The following MYH11 variants were observed in gnomAD, a reference collection of about 807,000 sequenced individuals.
MYH11 encodes myosin-11.
Under a neutral mutation model 246.6 loss-of-function variants are expected in MYH11, and 80 were observed. That is an observed-to-expected ratio of 0.32 (90% CI 0.27 to 0.39). The LOEUF (loss-of-function observed/expected upper bound fraction) is 0.39. Among genes scored for constraint, MYH11 ranks in the 10% least tolerant of loss-of-function variants. MYH11 has a pLI of 1.00. For synonymous variants in MYH11, 1,071 were observed against 1,015.5 expected (o/e 1.05, Z -1.04); for missense variants, 2,158 against 2,546.8 (o/e 0.85, Z 3.29).
chr16:15,850,025 C>T (rs1015441420), intron 1 of MYH11, among the ~76,000 whole-genome samples: 1 of 152,198 alleles, frequency 6.6e-6, no homozygotes, highest in Non-Finnish European at 1.5e-5. Context: ...GTTTTACCAT[C>T]AGTTTCATTT....
chr16:15,746,706 A>G (rs1224607888), intron 19 of MYH11, among the ~76,000 whole-genome samples: 1 of 151,728 alleles, frequency 6.6e-6, no homozygotes, highest in Non-Finnish European at 1.5e-5. Context: ...GGGACATCAC[A>G]CCCTCCAAAA....
At chr16:15,730,826 A>C (rs2040938778) in intron 27 of MYH11, among the ~76,000 whole-genome samples, 1 of 152,164 alleles carries the variant, frequency 6.6e-6, no homozygotes, top group South Asian at 2.1e-4. Flanking sequence ...CAAAGGAGAG[A>C]AGAGCACCCA....
intron 3 of MYH11, among the ~76,000 whole-genome samples, chr16:15,806,083 C>A (rs1441323099): frequency 6.8e-6 from 1 of 146,006 alleles, no homozygotes; most frequent in Non-Finnish European, 1.5e-5. Context: ...TCAAGACCAG[C>A]CTGGCCAATA....
intron 31 of MYH11, among the ~76,000 whole-genome samples, 156 bp downstream of exon 31, chr16:15,724,005 A>G (rs1484117516): frequency 6.6e-6 from 1 of 152,162 alleles, no homozygotes; most frequent in Non-Finnish European, 1.5e-5. Flanking sequence ...TTAATGCTCC[A>G]TGGTCGCCCA....
intron 3 of MYH11, among the ~76,000 whole-genome samples, chr16:15,817,465 C>A (rs983489728): frequency 3.3e-5 from 5 of 152,054 alleles, no homozygotes; most frequent in Admixed American, 3.3e-4. Flanking sequence ...GAGCTGAGAT[C>A]GTGCTGCTGC....
At chr16:15,769,089 G>A (rs2042043174) in intron 9 of MYH11, among the ~76,000 whole-genome samples, 1 of 152,220 alleles carries the variant, frequency 6.6e-6, no homozygotes, top group Non-Finnish European at 1.5e-5. Context: ...AAGATGGGTG[G>A]ATCATCTGAG....
intron 9 of MYH11, among the ~76,000 whole-genome samples, chr16:15,767,167 G>C (rs1021210855): frequency 1.3e-5 from 2 of 152,082 alleles, no homozygotes; most frequent in African/African-American, 4.8e-5. Context: ...GTGATGGATG[G>C]ATGGGTGATG....
intron 4 of MYH11, among the ~76,000 whole-genome samples, chr16:15,797,835 T>C (rs1273972162): frequency 1.3e-5 from 2 of 152,116 alleles, no homozygotes; most frequent in African/African-American, 4.8e-5. Context: ...CAAGTGTCCT[T>C]TCTGTAGTGT....
At chr16:15,720,357 A>T in intron 33 of MYH11, 45 bp from the exon 34 acceptor site, 1 of 1,591,688 alleles carries the variant, frequency 6.3e-7, no homozygotes, top group South Asian at 1.1e-5. Flanking sequence ...TGCCCCTGGG[A>T]GGTCCTTTGG....
intron 3 of MYH11, among the ~76,000 whole-genome samples, chr16:15,813,508 G>C (rs1462044339): frequency 1.3e-5 from 2 of 152,042 alleles, no homozygotes; most frequent in African/African-American, 4.8e-5. Flanking sequence ...AAGATTAACT[G>C]AGAATATTTC....
At chr16:15,759,799 T>C (rs955303480) in intron 11 of MYH11, 71 bp from the exon 12 acceptor site, 6 of 1,586,010 alleles carry the variant, frequency 3.8e-6, no homozygotes, top group Non-Finnish European at 5.2e-6. Flanking sequence ...AGGCTGGTGG[T>C]GAAGATTTTT....
chr16:15,805,190 T>C (rs2151330090), intron 3 of MYH11, among the ~76,000 whole-genome samples: 1 of 152,328 alleles, frequency 6.6e-6, no homozygotes, highest in Middle Eastern at 3.4e-3. Context: ...GGAGAAACTA[T>C]TTGCATTGGT....
At chr16:15,824,280 A>AC (rs2043499980) in intron 2 of MYH11, among the ~76,000 whole-genome samples, 2 of 145,524 alleles carry the variant, frequency 1.4e-5, no homozygotes, top group Non-Finnish European at 3.0e-5. Context: ...AATGTTGTTT[A>AC]CTTTTTTTTT....
intron 3 of MYH11, among the ~76,000 whole-genome samples, chr16:15,805,540 C>A (rs2042989630): frequency 6.6e-6 from 1 of 152,054 alleles, no homozygotes; most frequent in African/African-American, 2.4e-5. Flanking sequence ...TAGAAACAAC[C>A]AAATGTTCAT....
Position 15,776,096 on chromosome 16 carries a change from C to A in MYH11, c.871G>T (p.Ala291Ser), listed in dbSNP as rs2042214842. ...CACTTACTTCTCATCTTCTCCTTGG[C>A]TCCAGCAATCATGTAGTAAAAGATG... The part of the protein sequence containing the change: ...FHIFYYMIAG[A>S]KEKMRSDLLL... Residue 291 changes from alanine (A) to serine (S), a missense_variant, in exon 8 of 41, where the codon GCC becomes TCC. By Grantham distance (99) the Ala-to-Ser change is moderately conservative (BLOSUM62 1). Coordinates refer to ENST00000300036, the MANE Select transcript of MYH11 (RefSeq NM_002474.3). 1.2e-6 allele frequency: 2 copies of A among 1,613,330 alleles called. No individual in the cohort carries two copies. Among genetic ancestry groups the A allele is most frequent in the African/African-American group, 2.7e-5 (2 of 74,922 alleles).
intron 4 of MYH11, among the ~76,000 whole-genome samples, chr16:15,793,891 G>A (rs1294318484): frequency 1.4e-5 from 2 of 145,842 alleles, no homozygotes; most frequent in Non-Finnish European, 3.0e-5. Flanking sequence ...CCAAAGTGCT[G>A]GGATTACAGG....
rs189029211 is a variant in MYH11, at chr16:15,795,984, G to T, written c.530+2676C>A. Reference sequence around the variant, plus strand: ...AATGAATATTTATTCAATGAATAATGAGTGAATATTCTTATAATGTATATT... The same window carrying T: ...AATGAATATTTATTCAATGAATAATTAGTGAATATTCTTATAATGTATATT... On this transcript the variant is annotated intron_variant, in intron 4 of 40. Coordinates refer to ENST00000300036, the MANE Select transcript of MYH11 (RefSeq NM_002474.3). 2.2e-3 allele frequency among the ~76,000 whole-genome samples: 329 copies of T among 152,266 alleles called. 1 individual carries two copies. The highest frequency in any genetic ancestry group is 7.5e-3 in the African/African-American group (311 of 41,542).
At chr16:15,829,858 G>C (rs2151372722) in intron 2 of MYH11, among the ~76,000 whole-genome samples, 1 of 152,312 alleles carries the variant, frequency 6.6e-6, no homozygotes. Context: ...GGGATGGCCG[G>C]GCGCAGTGGC....
chr16:15,808,522 T>C (rs2043065908), intron 3 of MYH11, among the ~76,000 whole-genome samples: 1 of 152,166 alleles, frequency 6.6e-6, no homozygotes, highest in Admixed American at 6.6e-5. Context: ...GATGACATGC[T>C]GAGTAAGAAG....
Sources: allele counts gnomAD v4.1 joint callset (sites outside exome capture counted in the v4.1 genomes callset), GRCh38; gene constraint gnomAD v4.1.1; transcripts MANE v1.5; gene names NCBI Gene and HGNC (gene_info 2026-07-23, HGNC 2026-07-21).